Variants in LGMN observed in about 807,000 individuals in gnomAD.
The protein encoded by LGMN is asparaginyl endopeptidase.
Under a neutral mutation model 56.8 loss-of-function variants are expected in LGMN, and 36 were observed. That is an observed-to-expected ratio of 0.63 (90% CI 0.49 to 0.84). The LOEUF (loss-of-function observed/expected upper bound fraction) is 0.84. LGMN is among the 40% of genes least tolerant of loss of function. The pLI, the probability that LGMN is intolerant of heterozygous loss-of-function variation, is 0.00. For synonymous variants in LGMN, 199 were observed against 210.1 expected, an observed-to-expected ratio of 0.95 and a Z score of 0.46; for missense variants, 446 against 556.1, an observed-to-expected ratio of 0.80 and a Z score of 1.99.
chr14:92,745,468 T>C (rs1891774914), intron 1 of LGMN, among the ~76,000 whole-genome samples: 1 of 152,236 alleles, frequency 6.6e-6, no homozygotes. Context: ...AACCCACTCA[T>C]CTTTTTTCCA....
At chr14:92,738,994 G>T (rs1891430276) in intron 1 of LGMN, among the ~76,000 whole-genome samples, 1 of 150,720 alleles carries the variant, frequency 6.6e-6, no homozygotes, top group African/African-American at 2.4e-5. Flanking sequence ...ACTCCAGCCT[G>T]GTGACAGAGC....
chr14:92,744,074 A>T (rs1211367050), intron 1 of LGMN, among the ~76,000 whole-genome samples: 1 of 151,954 alleles, frequency 6.6e-6, no homozygotes, highest in Non-Finnish European at 1.5e-5. Context: ...GAATCGCTTG[A>T]ACCCGGGAGG....
At chr14:92,748,021 T>G (rs1314109926) in intron 1 of LGMN, among the ~76,000 whole-genome samples, 2 of 152,126 alleles carry the variant, frequency 1.3e-5, no homozygotes, top group Non-Finnish European at 2.9e-5. Flanking sequence ...TAAATAGATG[T>G]CTTTATAAGC....
intron 2 of LGMN, among the ~76,000 whole-genome samples, chr14:92,719,357 A>ACAC (rs1179130962): frequency 4.4e-5 from 2 of 45,710 alleles, no homozygotes; most frequent in African/African-American, 1.9e-4. Context: ...ACCACCACCA[A>ACAC]CACCACCACC....
At chr14:92,743,240 G>A (rs890049060) in intron 1 of LGMN, among the ~76,000 whole-genome samples, 53 of 152,238 alleles carry the variant, frequency 3.5e-4, no homozygotes, top group African/African-American at 1.2e-3. Context: ...AGTGGCTCAC[G>A]CCTGTAATCC....
At chr14:92,717,335 A>C (rs1344456841) in intron 4 of LGMN, 45 bp downstream of exon 4, 1 of 1,203,700 alleles carries the variant, frequency 8.3e-7, no homozygotes, top group Non-Finnish European at 1.2e-6. Context: ...ATCATCACTA[A>C]AATGAAAACT....
In LGMN at chr14:92,713,844, G is replaced by A. The variant is rs779227657; in HGVS notation, c.522C>T (p.Tyr174=). The A allele has an allele frequency of 9.4e-5, 152 of 1,613,116 alleles. No individual in the cohort carries two copies. The highest frequency in any genetic ancestry group is 1.2e-4 in the Non-Finnish European group (147 of 1,179,198). ...KDLNETIHYM[Y]KHKMYRKMVF... ...TTACCTTTCGGTACATTTTGTGTTT[G>A]TACATGTAATGGATGGTCTCATTCA... The change falls in exon 7 of 14, where the codon TAC becomes TAT. Residue 174 remains tyrosine (Y), a synonymous_variant. Transcript: ENST00000334869.
intron 3 of LGMN, among the ~76,000 whole-genome samples, chr14:92,717,821 C>T (rs947689887): frequency 6.6e-6 from 1 of 152,178 alleles, no homozygotes; most frequent in Non-Finnish European, 1.5e-5. Flanking sequence ...GGACAGAGAA[C>T]AAGACTTTAA....
In LGMN at chr14:92,709,765, A is replaced by T. The variant is rs1889651944; in HGVS notation, c.927T>A (p.Asp309Glu). ...VTHLDLTPSP[D>E]VPLTIMKRKL... ...TCCTTTTCATGATGGTGAGAGGCACATCAGGGCTGGGGGTGAGGTCAAGGT... is the reference window on the plus strand; with the variant it reads ...TCCTTTTCATGATGGTGAGAGGCACTTCAGGGCTGGGGGTGAGGTCAAGGT... The change falls in exon 11 of 14, where the codon GAT becomes GAA. Residue 309 changes from aspartate to glutamate, a missense_variant. Coordinates refer to ENST00000334869, the MANE Select transcript of LGMN (RefSeq NM_005606.7). 6.2e-7 allele frequency: 1 copy of T among 1,613,998 alleles called. No individual in the cohort carries two copies. Among genetic ancestry groups the T allele is most frequent in the Non-Finnish European group, 8.5e-7 (1 of 1,179,994 alleles).
chr14:92,738,589 C>T lies in LGMN; in HGVS notation c.-29-5774G>A, dbSNP rs1017834209. Among the ~76,000 whole-genome samples the T allele has an allele frequency of 5.3e-5, 8 of 151,814 alleles. No homozygotes were observed. The South Asian group carries it at 1.3e-3, about 24-fold the overall frequency. The stretch of plus-strand genomic sequence containing the variant: ...CACCGCGCCCAGCCAAAAAAAATGA[C>T]ATTTTCATAGTCTCTACTTGGTGAT... On this transcript the variant is annotated intron_variant, in intron 1 of 13. Coordinates refer to ENST00000334869, the MANE Select transcript of LGMN (RefSeq NM_005606.7).
intron 2 of LGMN, 163 bp downstream of exon 2, chr14:92,732,486 G>C (rs1789941261): frequency 2.8e-6 from 2 of 726,588 alleles, no homozygotes; most frequent in African/African-American, 1.8e-5. Flanking sequence ...AACATATGAG[G>C]GTTCTGATTT....
chr14:92,723,128 C>A (rs1179671870), intron 2 of LGMN, among the ~76,000 whole-genome samples: 1 of 151,756 alleles, frequency 6.6e-6, no homozygotes, highest in African/African-American at 2.4e-5. Context: ...CTCACTGCAA[C>A]CTCCGCCTCC....
In LGMN at chr14:92,729,365, C is replaced by T. The variant is rs376757885; in HGVS notation, c.138+3284G>A. Among the ~76,000 whole-genome samples, 4 of 150,684 alleles carry T rather than the reference C, an allele frequency of 2.7e-5. No individual in the cohort carries two copies. The East Asian group carries it at 5.9e-4, about 22-fold the overall frequency. The stretch of plus-strand genomic sequence containing the variant: ...ACTCTTCCAGCTCTCTCTGATCACC[C>T]CAGACTCTACTCTGATTCCACGACT... On this transcript the variant is annotated intron_variant, in intron 2 of 13. Coordinates refer to ENST00000334869, the MANE Select transcript of LGMN (RefSeq NM_005606.7).
rs1437128643 is a variant in LGMN, at chr14:92,746,102, C to A, written c.-30+2387G>T. 3.9e-5 allele frequency among the ~76,000 whole-genome samples: 6 copies of A among 152,020 alleles called. No homozygotes were observed. The South Asian group carries it at 1.0e-3, about 26-fold the overall frequency. On this transcript the variant is annotated intron_variant, in intron 1 of 13. Coordinates refer to ENST00000334869, the MANE Select transcript of LGMN (RefSeq NM_005606.7). ...TCCCAAAGTGCTGCGATTACAGGCA[C>A]GAGCCACCGCGCCCAGCGAGAATCT...
At chr14:92,706,313 C>A in intron 12 of LGMN, 170 bp downstream of exon 12, 1 of 507,990 alleles carries the variant, frequency 2.0e-6, no homozygotes, top group Non-Finnish European at 3.3e-6. Flanking sequence ...GTTCTGGGGC[C>A]AAGATTTAAA....
At chr14:92,715,916 G>A (rs1428920676) in intron 5 of LGMN, 1 of 337,144 alleles carries the variant, frequency 3.0e-6, no homozygotes, top group South Asian at 5.0e-5. Context: ...AATAATGAGG[G>A]GCCCTGGATC....
intron 2 of LGMN, among the ~76,000 whole-genome samples, chr14:92,724,045 A>G (rs940315155): frequency 4.6e-5 from 7 of 152,216 alleles, no homozygotes; most frequent in African/African-American, 1.7e-4. Context: ...AAAGGATCAT[A>G]CTGGGATGAT....
intron 2 of LGMN, among the ~76,000 whole-genome samples, chr14:92,728,578 G>A (rs551209542): frequency 8.5e-5 from 13 of 152,246 alleles, no homozygotes; most frequent in South Asian, 8.3e-4. Flanking sequence ...GTTATACGGC[G>A]CATGACTAAT....
chr14:92,737,882 G>A (rs1462005124), intron 1 of LGMN, among the ~76,000 whole-genome samples: 1 of 152,220 alleles, frequency 6.6e-6, no homozygotes, highest in East Asian at 1.9e-4. Context: ...GAGGGAGTGA[G>A]AAGATGCCCC....
Sources: gnomAD v4.1 joint callset for allele counts (sites outside exome capture counted in the v4.1 genomes callset) on GRCh38, gnomAD v4.1.1 for gene constraint, MANE v1.5 for transcripts, NCBI Gene and HGNC (gene_info 2026-07-23, HGNC 2026-07-21) for gene names.